The following ZBTB40 variants were observed in gnomAD, a reference collection of about 807,000 sequenced individuals.
ZBTB40 encodes zinc finger and BTB domain containing 40.
Under a neutral mutation model 117.5 loss-of-function variants are expected in ZBTB40, and 60 were observed. The ratio of observed to expected loss-of-function variants is 0.51; its 90% CI spans 0.41 to 0.63. ZBTB40 has a LOEUF of 0.63. Ranked by LOEUF, ZBTB40 falls within the 30% of genes least tolerant of loss-of-function variation. The pLI is 0.00. For synonymous variants in ZBTB40, 525 were observed against 577.1 expected (o/e 0.91, Z 1.29); for missense variants, 1,287 against 1,498.5 (o/e 0.86, Z 2.33).
intron 12 of ZBTB40, among the ~76,000 whole-genome samples, chr1:22,515,144 G>C (rs1639342300): frequency 6.6e-6 from 1 of 152,208 alleles, no homozygotes; most frequent in African/African-American, 2.4e-5. Context: ...GATGGAGCCA[G>C]TGAAAGACCT....
chr1:22,518,963 T>C (rs1480289950), intron 13 of ZBTB40, among the ~76,000 whole-genome samples: 1 of 152,186 alleles, frequency 6.6e-6, no homozygotes, highest in African/African-American at 2.4e-5. Flanking sequence ...CCCTAAACTA[T>C]ATCATCCGTG....
chr1:22,506,345 G>A, intron 6 of ZBTB40, 104 bp downstream of exon 6: 1 of 1,158,992 alleles, frequency 8.6e-7, no homozygotes, highest in Non-Finnish European at 1.3e-6. Flanking sequence ...ATTATGTTAA[G>A]AAATGTCATT....
At chr1:22,496,188 G>A (rs1638769758) in intron 3 of ZBTB40, among the ~76,000 whole-genome samples, 1 of 152,134 alleles carries the variant, frequency 6.6e-6, no homozygotes, top group Non-Finnish European at 1.5e-5. Context: ...CTGGCATCAC[G>A]TGTCCATTAA....
intron 1 of ZBTB40, among the ~76,000 whole-genome samples, chr1:22,467,416 A>G (rs953660640): frequency 2.0e-5 from 3 of 152,224 alleles, no homozygotes; most frequent in African/African-American, 7.2e-5. Context: ...TTATACTTCC[A>G]TCAGCATTGT....
At chr1:22,465,378 C>T (rs560020956) in intron 1 of ZBTB40, among the ~76,000 whole-genome samples, 22 of 152,246 alleles carry the variant, frequency 1.4e-4, no homozygotes, top group African/African-American at 3.6e-4. Context: ...TGGCTGAGTC[C>T]GGGGCTTTTA....
At chr1:22,517,538 G>A (rs1639405781) in intron 13 of ZBTB40, 74 bp downstream of exon 13, 5 of 1,547,886 alleles carry the variant, frequency 3.2e-6, no homozygotes, top group Non-Finnish European at 4.4e-6. Context: ...TGCAGCAGAG[G>A]TGTCAATCCA....
rs962787784 is a variant in ZBTB40 at position 22,513,989 on chromosome 1, T to C, written c.2668+859T>C. Among the ~76,000 whole-genome samples the C allele has an allele frequency of 6.6e-6, 1 of 152,258 alleles. No individual in the cohort carries two copies. Among genetic ancestry groups the C allele is most frequent in the African/African-American group, 2.4e-5 (1 of 41,480 alleles). On this transcript the variant is annotated intron_variant, in intron 12 of 17. Transcript: ENST00000375647. This position sits in a 1 kb window ranked among gnomAD's most constrained non-coding sequence, Gnocchi z 4.9. ...CTACCGTGGATCAGACAGTGGCAGA[T>C]GCCGAGTGGCTGAGCTGGGATTCCT...
intron 11 of ZBTB40, among the ~76,000 whole-genome samples, chr1:22,512,361 C>T (rs1180846445): frequency 6.6e-6 from 1 of 152,172 alleles, no homozygotes; most frequent in Non-Finnish European, 1.5e-5. Context: ...ACCACTTACT[C>T]TGTTGCATTG....
At chr1:22,463,319 G>A (rs184408724) in intron 1 of ZBTB40, among the ~76,000 whole-genome samples, 5 of 152,094 alleles carry the variant, frequency 3.3e-5, no homozygotes, top group Non-Finnish European at 5.9e-5. Flanking sequence ...TACATTAGAT[G>A]GGTATCTGTG....
intron 1 of ZBTB40, among the ~76,000 whole-genome samples, chr1:22,433,685 A>G (rs1198489987): frequency 6.7e-6 from 1 of 148,632 alleles, no homozygotes; most frequent in East Asian, 2.0e-4. Context: ...CTCCACCGAT[A>G]TGGACTGATT....
upstream of ZBTB40, among the ~76,000 whole-genome samples, chr1:22,447,403 T>C (rs1222807268): frequency 6.6e-6 from 1 of 152,104 alleles, no homozygotes; most frequent in Non-Finnish European, 1.5e-5. Flanking sequence ...TGGTGAGTGG[T>C]TGACGGTTAG....
intron 1 of ZBTB40, among the ~76,000 whole-genome samples, chr1:22,440,638 G>A (rs1189769562): frequency 6.6e-6 from 1 of 151,844 alleles, no homozygotes; most frequent in Non-Finnish European, 1.5e-5. Flanking sequence ...TTGTGTTGAG[G>A]TAGTTCCTTT....
intron 3 of ZBTB40, 127 bp downstream of exon 3, chr1:22,491,660 TTG>T: frequency 9.2e-7 from 1 of 1,092,366 alleles, no homozygotes; most frequent in Non-Finnish European, 1.3e-6. Flanking sequence ...TTTTTTTTTT[TTG>T]GACATTTATT....
intron 12 of ZBTB40, among the ~76,000 whole-genome samples, chr1:22,516,962 G>A (rs1427035759): frequency 5.3e-5 from 8 of 152,182 alleles, no homozygotes; most frequent in East Asian, 1.9e-4. Flanking sequence ...CCAAACCCAC[G>A]TGTTTCTGGG....
chr1:22,489,870 G>T lies in ZBTB40; in HGVS notation c.-69-10G>T. The T allele has an allele frequency of 7.1e-7, 1 of 1,414,332 alleles. No homozygotes were observed. Among genetic ancestry groups the T allele is most frequent in the East Asian group, 2.3e-5 (1 of 43,950 alleles). 87.6% of individuals were successfully genotyped at this position (1,414,332 alleles called of 1,614,324 possible). On this transcript the variant is annotated splice_polypyrimidine_tract_variant and intron_variant, in intron 1 of 17. Transcript: ENST00000375647. The stretch of plus-strand genomic sequence containing the variant: ...GAAGTTTTAACCTGGTATTTTGTGG[G>T]TTTCTCTAGGGCCTGTCCTCCCAAA...
At chr1:22,525,633 G>A (rs968756262) in intron 17 of ZBTB40, among the ~76,000 whole-genome samples, 5 of 152,270 alleles carry the variant, frequency 3.3e-5, no homozygotes, top group African/African-American at 9.6e-5. Context: ...GGGCTGTGGA[G>A]GAGAGAAGGG....
intron 7 of ZBTB40, 128 bp downstream of exon 7, chr1:22,508,265 G>A: frequency 8.4e-7 from 1 of 1,183,678 alleles, no homozygotes; most frequent in Non-Finnish European, 1.2e-6. Flanking sequence ...TTGCTAAGTA[G>A]AGGAGAAATA....
In ZBTB40 at chr1:22,530,678, G is replaced by T. The variant is rs1214201628; in HGVS notation, c.*4282G>T. ...GCACTAATCTATATAAATAAAATATGTACTTTGAAAAAAATTAGGCTACAT... is the reference window on the plus strand; with the variant it reads ...GCACTAATCTATATAAATAAAATATTTACTTTGAAAAAAATTAGGCTACAT... On this transcript the variant is annotated 3_prime_UTR_variant, in exon 18 of 18. Transcript: ENST00000375647. 6.6e-6 allele frequency: 1 copy of T among 152,250 alleles called. No homozygotes were observed. The highest frequency in any genetic ancestry group is 1.5e-5 in the Non-Finnish European group (1 of 68,026). The allele number at this position is 152,250 out of a possible 1,614,324, so 9.4% of individuals were successfully genotyped here. A position where few individuals can be genotyped will look rare whatever the true frequency, so the allele number is the denominator to read the frequency against.
At chr1:22,479,919 T>C (rs1638240604) in intron 1 of ZBTB40, among the ~76,000 whole-genome samples, 1 of 152,204 alleles carries the variant, frequency 6.6e-6, no homozygotes, top group Non-Finnish European at 1.5e-5. Context: ...CTTTGTTTTT[T>C]TGGGGGGGAC....
Sources: gnomAD v4.1 joint callset for allele counts (sites outside exome capture counted in the v4.1 genomes callset) on GRCh38, gnomAD v4.1.1 for gene constraint, Gnocchi (gnomAD v3.1) non-coding constraint, MANE v1.5 for transcripts, NCBI Gene and HGNC (gene_info 2026-07-23, HGNC 2026-07-21) for gene names.